The following RGS9 variants were observed in gnomAD, a reference collection of about 807,000 sequenced individuals.
The protein encoded by RGS9 is regulator of G protein signaling 9, also known as regulator of G-protein signalling 9.
In RGS9, 78 loss-of-function variants were observed where a neutral mutation model predicts 102.0. That is an observed-to-expected ratio of 0.76 (90% CI 0.64 to 0.92). The LOEUF is 0.92. RGS9 is among the 40% of genes least tolerant of loss of function. The probability of loss-of-function intolerance (pLI) is 0.00; values close to 1 mark genes in which losing one functional copy is unlikely to be tolerated. For synonymous variants in RGS9, 353 were observed against 318.6 expected, an observed-to-expected ratio of 1.11 and a Z score of -1.15; for missense variants, 833 against 866.1, an observed-to-expected ratio of 0.96 and a Z score of 0.48.
intron 6 of RGS9, among the ~76,000 whole-genome samples, chr17:65,161,408 C>A (rs904059002): frequency 6.6e-6 from 1 of 151,662 alleles, no homozygotes; most frequent in African/African-American, 2.4e-5. Flanking sequence ...TGTGCCACCA[C>A]GCCTGGCTAA....
At chr17:65,148,674 T>G (rs1284418411) in intron 1 of RGS9, among the ~76,000 whole-genome samples, 1 of 152,158 alleles carries the variant, frequency 6.6e-6, no homozygotes, top group East Asian at 1.9e-4. Context: ...GCACTTTTTT[T>G]GGGATCATCT....
rs535533632 is a variant in RGS9 at position 65,216,594 on chromosome 17, G to A, written c.1407+5989G>A. 2.6e-5 allele frequency among the ~76,000 whole-genome samples: 4 copies of A among 152,300 alleles called. No individual in the cohort carries two copies. In the East Asian group the frequency reaches 5.8e-4, roughly 22 times the overall value. On this transcript the variant is annotated intron_variant, in intron 17 of 18. Coordinates refer to ENST00000262406, the MANE Select transcript of RGS9 (RefSeq NM_003835.4). Reference sequence around the variant, plus strand: ...AGAAGTTGCAGCGAGCTGAGATCGCGCCACTGCACTTCAGCCTGGGCAACG... The same window carrying A: ...AGAAGTTGCAGCGAGCTGAGATCGCACCACTGCACTTCAGCCTGGGCAACG...
intron 17 of RGS9, among the ~76,000 whole-genome samples, chr17:65,222,405 C>G (rs917709217): frequency 6.6e-6 from 1 of 152,204 alleles, no homozygotes; most frequent in Non-Finnish European, 1.5e-5. Flanking sequence ...TACCCCATCA[C>G]ATTTATGGTT....
chr17:65,210,724 C>A (rs2144109909), intron 17 of RGS9, 119 bp downstream of exon 17: 1 of 1,527,238 alleles, frequency 6.5e-7, no homozygotes, highest in Non-Finnish European at 8.8e-7. Context: ...AGGGTAGGGT[C>A]AGAGTCTAGA....
Position 65,225,494 on chromosome 17 carries a change from CCCGAAGGGGACGTG to C in RGS9, c.1892+12_1892+25del, listed in dbSNP as rs761828170. On this transcript the variant is annotated intron_variant, in intron 18 of 18. Coordinates refer to ENST00000262406, the MANE Select transcript of RGS9 (RefSeq NM_003835.4). ...ATCCAAGAGAGTAGCAAAGTAAGAACCCGAAGGGGACGTGCCGTATGCATGGGTGGCTGTGGGTG... is the reference window on the plus strand; with the variant it reads ...ATCCAAGAGAGTAGCAAAGTAAGAACCCGTATGCATGGGTGGCTGTGGGTG... 2.7e-5 allele frequency: 43 copies of C among 1,600,542 alleles called. No individual in the cohort carries two copies. The highest frequency in any genetic ancestry group is 3.6e-5 in the Non-Finnish European group (42 of 1,179,968).
intron 1 of RGS9, among the ~76,000 whole-genome samples, chr17:65,138,519 C>T (rs955274634): frequency 5.9e-5 from 9 of 152,070 alleles, no homozygotes; most frequent in Non-Finnish European, 1.3e-4. Flanking sequence ...CCTGGACAGT[C>T]CTGGGGACCC....
intron 6 of RGS9, among the ~76,000 whole-genome samples, chr17:65,162,290 G>T (rs1176314586): frequency 6.6e-6 from 1 of 151,992 alleles, no homozygotes; most frequent in African/African-American, 2.4e-5. Context: ...ACTGAGGCAG[G>T]AGAATGGCTT....
intron 7 of RGS9, 126 bp from the exon 8 acceptor site, chr17:65,168,074 T>A (rs1332895699): frequency 5.8e-6 from 4 of 685,436 alleles, no homozygotes; most frequent in African/African-American, 1.8e-5. Context: ...TGTTCATTAC[T>A]ATTACGGTAT....
At chr17:65,181,315 T>A (rs190264341) in intron 9 of RGS9, among the ~76,000 whole-genome samples, 2,055 of 152,338 alleles carry the variant, frequency 0.013, 23 homozygotes, top group Middle Eastern at 0.034. Flanking sequence ...TTTTTTGACT[T>A]TTTGATAATA....
intron 1 of RGS9, among the ~76,000 whole-genome samples, chr17:65,143,416 G>A (rs1910232182): frequency 6.6e-6 from 1 of 152,172 alleles, no homozygotes; most frequent in Non-Finnish European, 1.5e-5. Flanking sequence ...AGTGGGCAGA[G>A]AAGAGATGTG....
intron 1 of RGS9, among the ~76,000 whole-genome samples, chr17:65,145,246 A>C (rs760190457): frequency 6.7e-6 from 1 of 149,576 alleles, no homozygotes; most frequent in Admixed American, 6.7e-5. Context: ...GCCCCCCACC[A>C]CGCCTGGCTA....
At chr17:65,145,234 G>A (rs1274988493) in intron 1 of RGS9, among the ~76,000 whole-genome samples, 1 of 150,414 alleles carries the variant, frequency 6.6e-6, no homozygotes, top group African/African-American at 2.5e-5. Context: ...GGGACTACAG[G>A]TGCCCCCCAC....
At position 65,227,527 on chromosome 17, in the gene RGS9, A is replaced by G. The variant is rs73994770; in HGVS notation, c.*120A>G. ...AAGTGCATTTGGGTGACATTTGAAG[A>G]TTGGGGAGACAAGATGGGGTAGATT... On this transcript the variant is annotated 3_prime_UTR_variant, in exon 19 of 19. Coordinates refer to ENST00000262406, the MANE Select transcript of RGS9 (RefSeq NM_003835.4). 20,641 of 1,366,264 alleles carry G rather than the reference A, an allele frequency of 0.015. 2,473 individuals carry two copies. In the African/African-American group the frequency reaches 0.26, roughly 17 times the overall value. 84.6% of individuals were successfully genotyped at this position (1,366,264 alleles called of 1,614,324 possible). A position where few individuals can be genotyped will look rare whatever the true frequency, so the allele number is the denominator to read the frequency against.
intron 17 of RGS9, among the ~76,000 whole-genome samples, chr17:65,210,868 C>T (rs988339933): frequency 5.3e-5 from 8 of 152,152 alleles, no homozygotes; most frequent in Middle Eastern, 3.4e-3. Flanking sequence ...ACAGGGTGGG[C>T]GAAGGCGGTG....
At chr17:65,191,407 TTC>T (rs1239771887) in intron 11 of RGS9, among the ~76,000 whole-genome samples, 3 of 151,982 alleles carry the variant, frequency 2.0e-5, no homozygotes, top group African/African-American at 7.3e-5. Flanking sequence ...TACCTCCAGC[TTC>T]TCCACTGGTA....
intron 8 of RGS9, among the ~76,000 whole-genome samples, chr17:65,174,681 CAT>C (rs1911555493): frequency 6.6e-6 from 1 of 151,256 alleles, no homozygotes; most frequent in Non-Finnish European, 1.5e-5. Context: ...TGTGAGCATG[CAT>C]ATGTGTGTGC....
chr17:65,201,635 G>C (rs1295032033), intron 13 of RGS9, among the ~76,000 whole-genome samples: 1 of 152,212 alleles, frequency 6.6e-6, no homozygotes, highest in African/African-American at 2.4e-5. Context: ...ACAACCTCTG[G>C]GGGGTGATAT....
intron 12 of RGS9, among the ~76,000 whole-genome samples, chr17:65,195,934 C>T (rs1210472306): frequency 6.6e-6 from 1 of 152,256 alleles, no homozygotes; most frequent in Non-Finnish European, 1.5e-5. Flanking sequence ...TCTTGGGCCC[C>T]ACCCACTCCT....
chr17:65,149,225 T>TG (rs1369281906), intron 1 of RGS9, among the ~76,000 whole-genome samples: 1 of 152,084 alleles, frequency 6.6e-6, no homozygotes, highest in Non-Finnish European at 1.5e-5. Flanking sequence ...CCACCCGCCT[T>TG]GGCCTCCTAA....
Sources: allele counts gnomAD v4.1 joint callset (sites outside exome capture counted in the v4.1 genomes callset), GRCh38; gene constraint gnomAD v4.1.1; transcripts MANE v1.5; gene names NCBI Gene and HGNC (gene_info 2026-07-23, HGNC 2026-07-21).